PRKN: variants seen among roughly 807,000 people sequenced by gnomAD.
The protein encoded by PRKN is E3 ubiquitin-protein ligase parkin.
A neutral mutation model predicts 59.5 loss-of-function variants in PRKN; 56 were observed. That is an observed-to-expected ratio of 0.94 (90% CI 0.76 to 1.18). The LOEUF is 1.18. Among genes scored for constraint, PRKN ranks in the 50% most tolerant of loss-of-function variants. The pLI, the probability that PRKN is intolerant of heterozygous loss-of-function variation, is 0.00. For synonymous variants in PRKN, 250 were observed against 222.1 expected (o/e 1.13, Z -1.12); for missense variants, 657 against 596.4 (o/e 1.10, Z -1.06).
At chr6:162,429,877 G>A (rs10945830) in intron 2 of PRKN, among the ~76,000 whole-genome samples, 65,320 of 151,910 alleles carry the variant, frequency 0.43, 14,229 homozygotes, top group East Asian at 0.58. Context: ...GCCCCTCTGC[G>A]TTTGACCCGG....
At chr6:162,248,212 A>G (rs1779277649) in intron 3 of PRKN, among the ~76,000 whole-genome samples, 1 of 152,188 alleles carries the variant, frequency 6.6e-6, no homozygotes, top group African/African-American at 2.4e-5. Flanking sequence ...ATGCACAGAA[A>G]TCTGTTACTA....
chr6:161,820,187 C>T (rs1791962635), intron 6 of PRKN, among the ~76,000 whole-genome samples: 1 of 123,892 alleles, frequency 8.1e-6, no homozygotes, highest in South Asian at 2.5e-4. Flanking sequence ...TCTAAAAATT[C>T]AATAACCACC....
chr6:162,115,249 AAAACC>A (rs1780615365), intron 4 of PRKN, among the ~76,000 whole-genome samples: 1 of 151,952 alleles, frequency 6.6e-6, no homozygotes, highest in Non-Finnish European at 1.5e-5. Context: ...GCAAGAACAA[AAAACC>A]AAACACCGCA....
rs143093870 is a variant in PRKN at position 162,304,527 on chromosome 6, CT to C, written c.172-41763del. 7.6e-4 allele frequency among the ~76,000 whole-genome samples: 91 copies of C among 119,720 alleles called. 2 individuals carry two copies. The highest frequency in any genetic ancestry group is 3.6e-3 in the South Asian group (12 of 3,310). 78.5% of individuals were successfully genotyped at this position (119,720 alleles called of 152,430 possible). A position where few individuals can be genotyped will look rare whatever the true frequency, so the allele number is the denominator to read the frequency against. Reference sequence around the variant, plus strand: ...TCTATCTATCTATCTATCTATCTATCTATCTATCTATCTATCTATTTATCCA... The same window carrying C: ...TCTATCTATCTATCTATCTATCTATCATCTATCTATCTATCTATTTATCCA... On this transcript the variant is annotated intron_variant, in intron 2 of 11. Transcript: ENST00000366898.
At chr6:162,290,119 A>G (rs1204774198) in intron 2 of PRKN, among the ~76,000 whole-genome samples, 1 of 151,932 alleles carries the variant, frequency 6.6e-6, no homozygotes, top group African/African-American at 2.4e-5. Flanking sequence ...AGAATCCAAG[A>G]CTCCTTCACT....
chr6:162,147,594 T>C (rs1409005914), intron 4 of PRKN, among the ~76,000 whole-genome samples: 1 of 152,150 alleles, frequency 6.6e-6, no homozygotes, highest in African/African-American at 2.4e-5. Context: ...TATGATTTCA[T>C]GATACCTTAC....
At chr6:162,556,545 G>A (rs1015967759) in intron 1 of PRKN, among the ~76,000 whole-genome samples, 8 of 151,718 alleles carry the variant, frequency 5.3e-5, no homozygotes, top group South Asian at 4.2e-4. Context: ...TCAGGAGATC[G>A]AGATCATCCT....
chr6:161,794,383 T>C (rs368148963), intron 6 of PRKN, among the ~76,000 whole-genome samples: 1 of 152,174 alleles, frequency 6.6e-6, no homozygotes, highest in African/African-American at 2.4e-5. Flanking sequence ...GGAGTCTGAA[T>C]TCTCACGAGC....
chr6:161,958,434 C>A (rs1286929889), intron 6 of PRKN, among the ~76,000 whole-genome samples: 1 of 152,076 alleles, frequency 6.6e-6, no homozygotes, highest in Non-Finnish European at 1.5e-5. Context: ...TTAAGGGAAT[C>A]ATTTATATCA....
At chr6:162,147,974 T>C (rs1281843630) in intron 4 of PRKN, among the ~76,000 whole-genome samples, 1 of 152,120 alleles carries the variant, frequency 6.6e-6, no homozygotes, top group Non-Finnish European at 1.5e-5. Flanking sequence ...AATATTTCTA[T>C]GCGAAAAAAT....
chr6:162,632,230 A>C (rs907644232), intron 1 of PRKN, among the ~76,000 whole-genome samples: 1 of 152,180 alleles, frequency 6.6e-6, no homozygotes, highest in Non-Finnish European at 1.5e-5. Flanking sequence ...TACACTATTC[A>C]CAATAGCAAA....
chr6:161,901,863 C>A (rs1196432444), intron 6 of PRKN, among the ~76,000 whole-genome samples: 1 of 152,070 alleles, frequency 6.6e-6, no homozygotes, highest in African/African-American at 2.4e-5. Context: ...GTCCTCTGAC[C>A]CTGCTGCTGC....
At chr6:161,767,233 G>A (rs2128200797) in intron 7 of PRKN, among the ~76,000 whole-genome samples, 1 of 152,290 alleles carries the variant, frequency 6.6e-6, no homozygotes, top group Non-Finnish European at 1.5e-5. Flanking sequence ...ATCAGCATGG[G>A]CCGGGCACGG....
chr6:162,117,233 C>G (rs1000980190), intron 4 of PRKN, among the ~76,000 whole-genome samples: 1 of 152,126 alleles, frequency 6.6e-6, no homozygotes, highest in South Asian at 2.1e-4. Context: ...TATGCTGGCA[C>G]GTAAATGGTT....
chr6:162,445,849 A>T (rs1790292976), intron 1 of PRKN, among the ~76,000 whole-genome samples: 1 of 152,006 alleles, frequency 6.6e-6, no homozygotes. Context: ...AGGAGCTAAG[A>T]GCAAAGGACC....
intron 2 of PRKN, among the ~76,000 whole-genome samples, chr6:162,392,609 T>G (rs927039364): frequency 4.6e-5 from 7 of 152,190 alleles, no homozygotes; most frequent in Non-Finnish European, 1.0e-4. Flanking sequence ...GGCAAACCAA[T>G]AATGCCAGCA....
At chr6:162,239,494 G>C (rs1778895752) in intron 3 of PRKN, among the ~76,000 whole-genome samples, 1 of 152,036 alleles carries the variant, frequency 6.6e-6, no homozygotes, top group South Asian at 2.1e-4. Flanking sequence ...GGCAAGCCCA[G>C]AGTCAGCCAT....
At position 161,538,109 on chromosome 6, in the gene PRKN, T is replaced by C. The variant is rs1472445041; in HGVS notation, c.1083+10745A>G. The stretch of plus-strand genomic sequence containing the variant: ...AAGAAACAGGCATTCTTGGCCTTCT[T>C]CTACAGAAAGGAGGAAGAAAATTGC... On this transcript the variant is annotated intron_variant, in intron 9 of 11. Coordinates refer to ENST00000366898, the MANE Select transcript of PRKN (RefSeq NM_004562.3). The surrounding 1 kb of genome is among the most constrained non-coding windows in gnomAD (Gnocchi z 4.2). 6.6e-5 allele frequency among the ~76,000 whole-genome samples: 10 copies of C among 152,176 alleles called. No homozygotes were observed. Among genetic ancestry groups the C allele is most frequent in the Non-Finnish European group, 1.2e-4 (8 of 68,036 alleles).
intron 9 of PRKN, among the ~76,000 whole-genome samples, chr6:161,436,278 A>AATGGGAGGGACAGAGAGCAGGGGCTGGG (rs1562448103): frequency 3.9e-5 from 1 of 25,716 alleles, no homozygotes. Context: ...AGGGGAGTGG[A>AATGGGAGGGACAGAGAGCAGGGGCTGGG]ATGGGAGGGA....
Sources: allele counts gnomAD v4.1 joint callset (sites outside exome capture counted in the v4.1 genomes callset), GRCh38; gene constraint gnomAD v4.1.1; non-coding constraint Gnocchi (gnomAD v3.1); transcripts MANE v1.5; gene names NCBI Gene and HGNC (gene_info 2026-07-23, HGNC 2026-07-21).